The following CTNNA2 variants were observed in gnomAD, a reference collection of about 807,000 sequenced individuals.
CTNNA2 encodes catenin alpha 2.
A neutral mutation model predicts 101.0 loss-of-function variants in CTNNA2; 42 were observed. The ratio of observed to expected loss-of-function variants is 0.42; its 90% CI spans 0.32 to 0.54. The LOEUF is 0.54. CTNNA2 is among the 20% of genes least tolerant of loss of function. CTNNA2 has a pLI of 0.14. For missense variants in CTNNA2, 871 were observed against 1,223.1 expected (o/e 0.71, Z 4.29); for synonymous variants, 450 against 456.4 (o/e 0.99, Z 0.18).
chr2:79,554,075 T>C (rs1674288801), intron 1 of CTNNA2, among the ~76,000 whole-genome samples: 1 of 152,228 alleles, frequency 6.6e-6, no homozygotes, highest in East Asian at 1.9e-4. Flanking sequence ...TCTGATCTGC[T>C]GTATCATTCT....
chr2:79,726,611 A>G (rs1686857849), intron 2 of CTNNA2, among the ~76,000 whole-genome samples: 1 of 152,174 alleles, frequency 6.6e-6, no homozygotes, highest in Non-Finnish European at 1.5e-5. Flanking sequence ...CCCGGTGGAA[A>G]AATTGTTGCC....
intron 3 of CTNNA2, among the ~76,000 whole-genome samples, chr2:79,856,878 A>T (rs1260070081): frequency 6.6e-6 from 1 of 152,202 alleles, no homozygotes; most frequent in African/African-American, 2.4e-5. Context: ...CTAAAACTGC[A>T]TTTACCCTAT....
chr2:79,778,043 A>G (rs74593733), intron 3 of CTNNA2, among the ~76,000 whole-genome samples: 17,093 of 152,078 alleles, frequency 0.11, 1,089 homozygotes, highest in Admixed American at 0.17. Flanking sequence ...AAGGATGGAA[A>G]GAGGAAAATC....
chr2:79,329,318 C>T (rs958033731), intron 3 of CTNNA2, among the ~76,000 whole-genome samples: 6 of 152,102 alleles, frequency 3.9e-5, no homozygotes, highest in African/African-American at 1.4e-4. Context: ...ATCTCAACCC[C>T]GGGAACAAGT....
Position 79,347,774 on chromosome 2 carries a change from G to A in CTNNA2, c.-317-26057G>A, listed in dbSNP as rs113549850. Among the ~76,000 whole-genome samples, 392 of 141,052 alleles carry A rather than the reference G, an allele frequency of 2.8e-3. 3 individuals are homozygous for A. The highest frequency in any genetic ancestry group is 9.3e-3 in the African/African-American group (351 of 37,792). 92.5% of individuals were successfully genotyped at this position (141,052 alleles called of 152,430 possible). A position where few individuals can be genotyped will look rare whatever the true frequency, so the allele number is the denominator to read the frequency against. ...ATAATTTTGTTACTCTTTTTCCTAC[G>A]TCTCCTAGCCTTCCTTTTTTTTTTT... On this transcript the variant is annotated intron_variant, in intron 3 of 21. Coordinates refer to the CTNNA2 transcript ENST00000466387.
Position 79,290,786 on chromosome 2 carries a change from A to T in CTNNA2, c.-405-21923A>T, listed in dbSNP as rs142317233. ...CATCTGCTGAGGGCTTTTTCCACTC[A>T]ATAAAACCTTGCACTTATTCTCCAA... On this transcript the variant is annotated intron_variant, in intron 2 of 21. Coordinates refer to the CTNNA2 transcript ENST00000466387. Among the ~76,000 whole-genome samples the T allele has an allele frequency of 5.6e-3, 858 of 152,242 alleles. 10 individuals carry two copies. Among genetic ancestry groups the T allele is most frequent in the African/African-American group, 0.02 (824 of 41,566 alleles).
chr2:80,106,667 C>A (rs1420528469), intron 7 of CTNNA2, among the ~76,000 whole-genome samples: 1 of 152,164 alleles, frequency 6.6e-6, no homozygotes, highest in African/African-American at 2.4e-5. Flanking sequence ...GAACCTCCAC[C>A]TTTAATCTCT....
intron 7 of CTNNA2, among the ~76,000 whole-genome samples, chr2:80,240,999 A>T (rs1301448541): frequency 6.6e-6 from 1 of 152,108 alleles, no homozygotes; most frequent in Non-Finnish European, 1.5e-5. Context: ...AAATTCCCTG[A>T]GTTCAATTGA....
intron 2 of CTNNA2, among the ~76,000 whole-genome samples, chr2:79,244,021 T>A (rs1558584973): frequency 6.6e-6 from 1 of 152,184 alleles, no homozygotes; most frequent in African/African-American, 2.4e-5. Flanking sequence ...CCTGGCACCC[T>A]CTGAGGCACT....
intron 1 of CTNNA2, among the ~76,000 whole-genome samples, chr2:79,633,540 G>T (rs1158382834): frequency 1.3e-5 from 2 of 152,218 alleles, no homozygotes; most frequent in Non-Finnish European, 2.9e-5. Flanking sequence ...ATTTGAATGA[G>T]CTGTGATTAC....
chr2:79,376,098 G>C (rs1021855067), intron 4 of CTNNA2, among the ~76,000 whole-genome samples: 1 of 152,162 alleles, frequency 6.6e-6, no homozygotes, highest in Non-Finnish European at 1.5e-5. Context: ...GCTGCATGTA[G>C]AAGGACGCTT....
At position 79,812,326 on chromosome 2, in the gene CTNNA2, A is replaced by T. The variant is rs893944138; in HGVS notation, c.299-45687A>T. Among the ~76,000 whole-genome samples, 3 of 152,176 alleles carry T rather than the reference A, an allele frequency of 2.0e-5. No individual in the cohort carries two copies. In the East Asian group the frequency reaches 5.8e-4, roughly 29 times the overall value. ...TTACCTTGTTCCTGATATTAGAGAG[A>T]CAGCATTCAGTCTTTTGTCTTTAAG... On this transcript the variant is annotated intron_variant, in intron 3 of 18. Transcript: ENST00000402739.
intron 7 of CTNNA2, among the ~76,000 whole-genome samples, chr2:80,366,820 G>A (rs999873954): frequency 6.6e-6 from 1 of 152,086 alleles, no homozygotes; most frequent in Non-Finnish European, 1.5e-5. Context: ...GCCTTAGGAG[G>A]TCCTGATGAC....
intron 18 of CTNNA2, among the ~76,000 whole-genome samples, chr2:80,638,553 A>G (rs1407094713): frequency 1.3e-5 from 2 of 152,208 alleles, no homozygotes; most frequent in Admixed American, 1.3e-4. Flanking sequence ...TCCAAGGGCC[A>G]ACCTGTCAGT....
At chr2:79,289,120 C>G (rs139806333) in intron 2 of CTNNA2, among the ~76,000 whole-genome samples, 70 of 152,260 alleles carry the variant, frequency 4.6e-4, no homozygotes, top group African/African-American at 1.3e-3. Flanking sequence ...AATCTATTTT[C>G]TTCCAAATTG....
chr2:80,262,180 A>G (rs1261710209), intron 7 of CTNNA2, among the ~76,000 whole-genome samples: 1 of 152,144 alleles, frequency 6.6e-6, no homozygotes, highest in Non-Finnish European at 1.5e-5. Context: ...GTATATGAAG[A>G]TCTCCAGATG....
Position 79,958,808 on chromosome 2 carries a change from A to G in CTNNA2, c.1056+49011A>G, listed in dbSNP as rs569153884. On this transcript the variant is annotated intron_variant, in intron 7 of 18. Coordinates refer to ENST00000402739, the MANE Select transcript of CTNNA2 (RefSeq NM_001282597.3). ...TTCTTTTCATAAGATTGGCCCTATC[A>G]TTCCAGGTTGTTGAGAATATCTTTA... Among the ~76,000 whole-genome samples, 3 of 152,028 alleles carry G rather than the reference A, an allele frequency of 2.0e-5. No homozygotes were observed. In the South Asian group the frequency reaches 6.2e-4, roughly 32 times the overall value.
chr2:80,184,709 A>G (rs538094780), intron 7 of CTNNA2, among the ~76,000 whole-genome samples: 42 of 152,272 alleles, frequency 2.8e-4, no homozygotes, highest in African/African-American at 9.6e-4. Flanking sequence ...TGTCTTTTCT[A>G]TACTTTAGTT....
At chr2:79,350,545 A>G (rs554520717) in intron 3 of CTNNA2, among the ~76,000 whole-genome samples, 2 of 152,242 alleles carry the variant, frequency 1.3e-5, no homozygotes, top group South Asian at 4.1e-4. Flanking sequence ...TCTGATGGAC[A>G]CTTAGGTTGA....
Sources: allele counts gnomAD v4.1 joint callset (sites outside exome capture counted in the v4.1 genomes callset), GRCh38; gene constraint gnomAD v4.1.1; transcripts MANE v1.5; gene names NCBI Gene and HGNC (gene_info 2026-07-23, HGNC 2026-07-21).